Variants in ST7 observed in about 807,000 individuals in gnomAD.
The protein encoded by ST7 is suppression of tumorigenicity 7, also known as suppressor of tumorigenicity 7 protein.
Under a neutral mutation model 78.7 loss-of-function variants are expected in ST7, and 28 were observed. That is an observed-to-expected ratio of 0.36 (90% confidence interval 0.26 to 0.49). ST7 has a LOEUF of 0.49. Ranked by LOEUF, ST7 falls within the 20% of genes least tolerant of loss-of-function variation. ST7 has a pLI of 0.99. For missense variants in ST7, 418 were observed against 696.0 expected (o/e 0.60, Z 4.49); for synonymous variants, 247 against 249.6 (o/e 0.99, Z 0.10).
chr7:117,071,682 T>G (rs568326737), intron 1 of ST7, among the ~76,000 whole-genome samples: 1 of 152,244 alleles, frequency 6.6e-6, no homozygotes, highest in Admixed American at 6.5e-5. Context: ...AGGAGTGCGG[T>G]AACTCAGTTA....
At chr7:117,191,009 C>G in intron 12 of ST7, 73 bp downstream of exon 12, 1 of 1,171,528 alleles carries the variant, frequency 8.5e-7, no homozygotes, top group Non-Finnish European at 1.3e-6. Context: ...AGTGTTGTAT[C>G]TCAAGTACAC....
intron 7 of ST7, 139 bp downstream of exon 7, chr7:117,134,331 A>G: frequency 1.6e-6 from 2 of 1,289,904 alleles, no homozygotes; most frequent in South Asian, 1.4e-5. Flanking sequence ...CATCATCTAT[A>G]TCTTCCATCG....
intron 9 of ST7, among the ~76,000 whole-genome samples, chr7:117,165,247 G>A (rs1807455030): frequency 1.3e-5 from 2 of 152,092 alleles, no homozygotes; most frequent in African/African-American, 2.4e-5. Flanking sequence ...GAATTTGAAA[G>A]GTTCTTGGTC....
chr7:117,158,953 A>G (rs1359534197), intron 9 of ST7, among the ~76,000 whole-genome samples: 1 of 152,206 alleles, frequency 6.6e-6, no homozygotes, highest in Non-Finnish European at 1.5e-5. Context: ...AATTAGCCCA[A>G]GCTTGTATTG....
chr7:117,154,401 G>A (rs1348665423), intron 9 of ST7, among the ~76,000 whole-genome samples: 12 of 152,194 alleles, frequency 7.9e-5, no homozygotes, highest in South Asian at 2.1e-4. Flanking sequence ...TTCTGTGATA[G>A]CAGACTGAGC....
chr7:117,223,303 CG>C (rs537784655), intron 15 of ST7: 33 of 297,860 alleles, frequency 1.1e-4, no homozygotes, highest in African/African-American at 6.7e-4. Context: ...TATCCTCCAC[CG>C]TCTTTCTTTT....
At chr7:117,143,101 G>A (rs1805464208) in intron 9 of ST7, among the ~76,000 whole-genome samples, 1 of 152,130 alleles carries the variant, frequency 6.6e-6, no homozygotes, top group Admixed American at 6.5e-5. Flanking sequence ...TGGGAGGGCT[G>A]ACAAAGAGGA....
chr7:117,112,224 A>G (rs28484893), intron 2 of ST7: 1 of 152,214 alleles, frequency 6.6e-6, no homozygotes, highest in Admixed American at 6.5e-5. Context: ...TAATTAATTC[A>G]TGGATTAAAT....
At chr7:117,003,640 C>G (rs1421790057) in intron 1 of ST7, among the ~76,000 whole-genome samples, 1 of 151,280 alleles carries the variant, frequency 6.6e-6, no homozygotes, top group African/African-American at 2.4e-5. Context: ...GCCATGTTGC[C>G]CAGGCTAGTC....
intron 1 of ST7, among the ~76,000 whole-genome samples, chr7:116,965,163 C>T (rs1053009496): frequency 6.6e-6 from 1 of 151,978 alleles, no homozygotes; most frequent in Non-Finnish European, 1.5e-5. Flanking sequence ...CACGGTGAAA[C>T]GCTATCTCTA....
At chr7:117,225,534 C>G (rs938593246) in intron 15 of ST7, among the ~76,000 whole-genome samples, 1 of 152,134 alleles carries the variant, frequency 6.6e-6, no homozygotes, top group Non-Finnish European at 1.5e-5. Context: ...CCTCGACCTG[C>G]CCCCAGAGTC....
intron 9 of ST7, among the ~76,000 whole-genome samples, chr7:117,154,142 G>A (rs898309560): frequency 3.9e-5 from 6 of 152,218 alleles, no homozygotes; most frequent in Non-Finnish European, 5.9e-5. Context: ...ATCTAAAGAC[G>A]GTGCCGTTTG....
At position 117,201,961 on chromosome 7, in the gene ST7, CT is replaced by C. The variant is rs1278924099; in HGVS notation, c.1255-7809del. Among the ~76,000 whole-genome samples, 29 of 70,972 alleles carry C rather than the reference CT, an allele frequency of 4.1e-4. 4 individuals are homozygous for C. The East Asian group carries it at 5.8e-3, about 14-fold the overall frequency. 46.6% of individuals were successfully genotyped at this position (70,972 alleles called of 152,430 possible). On this transcript the variant is annotated intron_variant, in intron 12 of 15. Coordinates refer to ENST00000323984, the MANE Select transcript of ST7 (RefSeq NM_001369598.1). The stretch of plus-strand genomic sequence containing the variant: ...CCTCTCCCTCCTTGCTCGAAGCTAT[CT>C]TTTTTTTTTTTTTTTTGAGACGGAG...
chr7:117,096,350 T>G (rs1229371551), intron 1 of ST7, among the ~76,000 whole-genome samples: 2 of 152,202 alleles, frequency 1.3e-5, no homozygotes, highest in African/African-American at 4.8e-5. Flanking sequence ...TCCATTCTAG[T>G]GCTTCACACA....
chr7:117,119,430 T>A (rs1803182489), intron 2 of ST7, 131 bp from the exon 3 acceptor site: 1 of 911,616 alleles, frequency 1.1e-6, no homozygotes, highest in Non-Finnish European at 1.5e-6. Context: ...AATCTAATTT[T>A]TAGAATAAAC....
Position 116,979,958 on chromosome 7 carries a change from C to CTTTTTTTTTTTTTTTTTTTTTTT in ST7, c.151+26284_151+26285insTTTTTTTTTTTTTTTTTTTTTTT, listed in dbSNP as rs745530832. Among the ~76,000 whole-genome samples, 8 of 86,240 alleles carry CTTTTTTTTTTTTTTTTTTTTTTT rather than the reference C, an allele frequency of 9.3e-5. 3 individuals are homozygous for CTTTTTTTTTTTTTTTTTTTTTTT. Among genetic ancestry groups the CTTTTTTTTTTTTTTTTTTTTTTT allele is most frequent in the Admixed American group, 3.9e-4 (2 of 5,112 alleles). The allele number at this position is 86,240 out of a possible 152,430, so 56.6% of individuals were successfully genotyped here. On this transcript the variant is annotated intron_variant, in intron 1 of 15. Coordinates refer to ENST00000323984, the MANE Select transcript of ST7 (RefSeq NM_001369598.1). ...CCTTTTTTCTTTTTCTTTTGTTTCT[C>CTTTTTTTTTTTTTTTTTTTTTTT]TTTTTTTTTTTTTTTTTGGAGACAG...
At chr7:117,049,144 G>T (rs1177283953) in intron 1 of ST7, among the ~76,000 whole-genome samples, 2 of 152,160 alleles carry the variant, frequency 1.3e-5, no homozygotes, top group African/African-American at 4.8e-5. Flanking sequence ...CAGCTTTATA[G>T]GTAAGGGCAG....
chr7:116,965,451 A>C (rs928633804), intron 1 of ST7, among the ~76,000 whole-genome samples: 5 of 152,140 alleles, frequency 3.3e-5, no homozygotes, highest in Non-Finnish European at 5.9e-5. Context: ...CAAATACCTA[A>C]TGCATGCGAG....
At chr7:117,035,682 T>G (rs1796859440) in intron 1 of ST7, among the ~76,000 whole-genome samples, 1 of 152,210 alleles carries the variant, frequency 6.6e-6, no homozygotes, top group Admixed American at 6.5e-5. Context: ...GGACATTGGT[T>G]TTCATGAATA....
Sources: gnomAD v4.1 joint callset for allele counts (sites outside exome capture counted in the v4.1 genomes callset) on GRCh38, gnomAD v4.1.1 for gene constraint, MANE v1.5 for transcripts, NCBI Gene and HGNC (gene_info 2026-07-23, HGNC 2026-07-21) for gene names.